Variants in KIAA1549L observed in about 807,000 individuals in gnomAD.
KIAA1549L encodes UPF0606 protein KIAA1549L.
In KIAA1549L, 88 loss-of-function variants were observed where a neutral mutation model predicts 160.7. That is an observed-to-expected ratio of 0.55 (90% CI 0.46 to 0.65). KIAA1549L has a LOEUF of 0.65. KIAA1549L is among the 30% of genes least tolerant of loss of function. KIAA1549L has a pLI of 0.00. For missense variants in KIAA1549L, 2,258 were observed against 2,437.5 expected, an observed-to-expected ratio of 0.93 and a Z score of 1.55; for synonymous variants, 950 against 976.7, an observed-to-expected ratio of 0.97 and a Z score of 0.51.
chr11:33,445,258 G>C (rs1646378388), intron 1 of KIAA1549L, among the ~76,000 whole-genome samples: 1 of 152,180 alleles, frequency 6.6e-6, no homozygotes, highest in Admixed American at 6.5e-5. Flanking sequence ...TGGGAGAGGA[G>C]ACAAAGCCAG....
chr11:33,591,485 C>A, intron 12 of KIAA1549L, 64 bp downstream of exon 12: 1 of 1,302,724 alleles, frequency 7.7e-7, no homozygotes, highest in Non-Finnish European at 1.1e-6. Flanking sequence ...ATGAGAAAAG[C>A]TGATGCCCTC....
chr11:33,545,233 C>T lies in KIAA1549L; in HGVS notation c.3240C>T (p.Ala1080=). The change falls in exon 3 of 21, where the codon GCC becomes GCT. Residue 1080 remains alanine (A), a synonymous_variant. Transcript: ENST00000658780. ...CGGCCGCGCTGACATCCATTACAGCCTCAGTGAAGGCCACCCGGTTGCCAC... is the reference window on the plus strand; with the variant it reads ...CGGCCGCGCTGACATCCATTACAGCTTCAGTGAAGGCCACCCGGTTGCCAC... ...TVTAALTSIT[A]SVKATRLPPL... is the part of the protein sequence containing the mutation. 5 of 1,614,020 alleles carry T rather than the reference C, an allele frequency of 3.1e-6. No homozygotes were observed. The highest frequency in any genetic ancestry group is 1.1e-5 in the South Asian group (1 of 91,086).
At chr11:33,654,371 G>GT (rs1202437429) in intron 17 of KIAA1549L, among the ~76,000 whole-genome samples, 2 of 152,194 alleles carry the variant, frequency 1.3e-5, no homozygotes, top group African/African-American at 4.8e-5. Context: ...AATCTTGTTT[G>GT]TTTTTTCTAC....
intron 1 of KIAA1549L, among the ~76,000 whole-genome samples, chr11:33,448,847 AC>A (rs774754574): frequency 3.9e-5 from 6 of 152,198 alleles, no homozygotes; most frequent in Admixed American, 6.5e-5. Flanking sequence ...AACACAGACA[AC>A]CTTTGAAAAC....
In KIAA1549L at chr11:33,645,667, G is replaced by T. The variant is rs1169431045; in HGVS notation, c.5410-19G>T. 11 of 1,577,376 alleles carry T rather than the reference G, an allele frequency of 7.0e-6. No homozygotes were observed. The highest frequency in any genetic ancestry group is 9.6e-6 in the Non-Finnish European group (11 of 1,147,936). On this transcript the variant is annotated intron_variant, in intron 16 of 20. Coordinates refer to ENST00000658780, the MANE Select transcript of KIAA1549L (RefSeq NM_012194.3). ...GGAAGGAAAGTAAACACATCAATGG[G>T]CTTTGTTTCCTCCCACAGACTGAGC...
At chr11:33,457,838 T>C (rs1325809287) in intron 1 of KIAA1549L, among the ~76,000 whole-genome samples, 1 of 152,186 alleles carries the variant, frequency 6.6e-6, no homozygotes, top group Non-Finnish European at 1.5e-5. Context: ...GGTCCCATTC[T>C]GGCCCTCTTG....
At chr11:33,570,006 C>CTCTCTT (rs377114558) in intron 9 of KIAA1549L, among the ~76,000 whole-genome samples, 1 of 134,582 alleles carries the variant, frequency 7.4e-6, no homozygotes, top group African/African-American at 2.8e-5. Context: ...CTCTCTCTCT[C>CTCTCTT]TTTTTTTTTT....
chr11:33,659,925 A>C (rs576167575), intron 19 of KIAA1549L, among the ~76,000 whole-genome samples: 3 of 152,126 alleles, frequency 2.0e-5, no homozygotes, highest in Admixed American at 2.0e-4. Flanking sequence ...TGCTCCCCCA[A>C]CCCCTGGAGA....
intron 15 of KIAA1549L, among the ~76,000 whole-genome samples, chr11:33,612,789 G>T (rs771905649): frequency 2.0e-4 from 30 of 152,046 alleles, no homozygotes; most frequent in Non-Finnish European, 3.4e-4. Flanking sequence ...CCCAGTGTCG[G>T]TTGTTCCATT....
At chr11:33,377,123 T>A (rs1327150440) in intron 1 of KIAA1549L, among the ~76,000 whole-genome samples, 1 of 152,232 alleles carries the variant, frequency 6.6e-6, no homozygotes, top group Non-Finnish European at 1.5e-5. Flanking sequence ...ACCTTCCTAG[T>A]GGTCCCGCAG....
intron 16 of KIAA1549L, among the ~76,000 whole-genome samples, chr11:33,634,845 CAG>C (rs1851396263): frequency 6.6e-6 from 1 of 152,188 alleles, no homozygotes; most frequent in South Asian, 2.1e-4. Flanking sequence ...AACTGAAACA[CAG>C]AAACAGCATG....
chr11:33,400,083 A>T (rs1412331957), intron 1 of KIAA1549L, among the ~76,000 whole-genome samples: 1 of 152,358 alleles, frequency 6.6e-6, no homozygotes, highest in East Asian at 1.9e-4. Flanking sequence ...ATTAATAGAA[A>T]AATAATTTCT....
rs749276425 is a variant in KIAA1549L, at chr11:33,668,498, C to A, written c.*344C>A. On this transcript the variant is annotated 3_prime_UTR_variant, in exon 21 of 21. Transcript: ENST00000658780. ...TATCCAATGCCACATTTTAATAAAT[C>A]ACCGGAAGCGGGAGAATGTAGCTCT... is the stretch of plus-strand genomic sequence containing the variant. 6 of 319,300 alleles carry A rather than the reference C, an allele frequency of 1.9e-5. No individual in the cohort carries two copies. The highest frequency in any genetic ancestry group is 2.9e-5 in the Non-Finnish European group (5 of 170,150). 19.8% of individuals were successfully genotyped at this position (319,300 alleles called of 1,614,324 possible). A position where few individuals can be genotyped will look rare whatever the true frequency, so the allele number is the denominator to read the frequency against.
intron 1 of KIAA1549L, among the ~76,000 whole-genome samples, chr11:33,469,454 G>T (rs1852132351): frequency 1.3e-5 from 2 of 151,862 alleles, no homozygotes; most frequent in Admixed American, 6.6e-5. Flanking sequence ...TCCACTTTTT[G>T]GCTTTTGTGA....
At chr11:33,604,718 A>G (rs967861756) in intron 13 of KIAA1549L, among the ~76,000 whole-genome samples, 10 of 152,336 alleles carry the variant, frequency 6.6e-5, no homozygotes, top group South Asian at 2.1e-4. Flanking sequence ...ACCAAATACT[A>G]TATATTCTCA....
At chr11:33,636,611 G>T (rs767072195) in intron 16 of KIAA1549L, among the ~76,000 whole-genome samples, 1 of 152,040 alleles carries the variant, frequency 6.6e-6, no homozygotes, top group Non-Finnish European at 1.5e-5. Flanking sequence ...GATTACGGGC[G>T]TGAACCACCA....
rs1852622667 is a variant in KIAA1549L, at chr11:33,670,124, G to C, written c.*1970G>C. ...ACAAAGAGCCAAAGAAACTCAGCCT[G>C]TTCATGCAAATGGTATGAGTCTGAT... On this transcript the variant is annotated 3_prime_UTR_variant, in exon 21 of 21. Transcript: ENST00000658780. 1 of 152,140 alleles carries C rather than the reference G, an allele frequency of 6.6e-6. No individual in the cohort carries two copies. Among genetic ancestry groups the C allele is most frequent in the Non-Finnish European group, 1.5e-5 (1 of 68,026 alleles). The allele number at this position is 152,140 out of a possible 1,614,324, so 9.4% of individuals were successfully genotyped here.
chr11:33,404,639 C>A (rs1162984889), intron 1 of KIAA1549L, among the ~76,000 whole-genome samples: 3 of 151,962 alleles, frequency 2.0e-5, no homozygotes, highest in African/African-American at 7.3e-5. Flanking sequence ...ATAGACAATA[C>A]CATAGCAAGA....
At chr11:33,487,969 C>T (rs891896167) in intron 1 of KIAA1549L, among the ~76,000 whole-genome samples, 11 of 152,166 alleles carry the variant, frequency 7.2e-5, no homozygotes, top group Non-Finnish European at 1.5e-5. Context: ...CCCTGGGAGG[C>T]AGGATGATAG....
Sources: gnomAD v4.1 joint callset for allele counts (sites outside exome capture counted in the v4.1 genomes callset) on GRCh38, gnomAD v4.1.1 for gene constraint, MANE v1.5 for transcripts, NCBI Gene and HGNC (gene_info 2026-07-23, HGNC 2026-07-21) for gene names.